LRP12: variants seen among roughly 807,000 people sequenced by gnomAD.
LRP12 encodes low-density lipoprotein receptor-related protein 12.
In LRP12, 14 loss-of-function variants were observed where a neutral mutation model predicts 66.0. The ratio of observed to expected loss-of-function variants is 0.21; its 90% confidence interval spans 0.14 to 0.33. The LOEUF (loss-of-function observed/expected upper bound fraction) is 0.33. LRP12 is among the 10% of genes least tolerant of loss of function. The pLI is 1.00. For missense variants in LRP12, 889 were observed against 1,053.4 expected (o/e 0.84, Z 2.16); for synonymous variants, 357 against 359.1 (o/e 0.99, Z 0.07).
intron 5 of LRP12, chr8:104,495,586 T>C (rs1810710573): frequency 6.4e-6 from 1 of 157,252 alleles, no homozygotes; most frequent in African/African-American, 2.4e-5. Flanking sequence ...TGTGCTCTTT[T>C]GTTGCAATGT....
At chr8:104,584,028 T>C (rs1444730629) in intron 1 of LRP12, among the ~76,000 whole-genome samples, 1 of 152,020 alleles carries the variant, frequency 6.6e-6, no homozygotes, top group Non-Finnish European at 1.5e-5. Flanking sequence ...TCTGATAACA[T>C]GTATTTGAAT....
chr8:104,535,920 C>T (rs1404831556), intron 1 of LRP12, among the ~76,000 whole-genome samples: 1 of 151,988 alleles, frequency 6.6e-6, no homozygotes, highest in African/African-American at 2.4e-5. Context: ...CCACAGCATT[C>T]CAATTTGAAA....
intron 1 of LRP12, among the ~76,000 whole-genome samples, chr8:104,564,156 G>A (rs191472874): frequency 2.0e-5 from 3 of 151,962 alleles, no homozygotes; most frequent in African/African-American, 7.3e-5. Flanking sequence ...TGCTGTAGAT[G>A]ATACTCCAGA....
chr8:104,588,970 A>ACGACGC lies in LRP12; in HGVS notation c.-74_-73insGCGTCG, dbSNP rs1554712978. 14 of 600,564 alleles carry ACGACGC rather than the reference A, an allele frequency of 2.3e-5. No individual in the cohort carries two copies. The highest frequency in any genetic ancestry group is 9.5e-5 in the South Asian group (4 of 41,946). The allele number at this position is 600,564 out of a possible 1,614,324, so 37.2% of individuals were successfully genotyped here. ...GAGAAGCTGGAGGTAGACGACGCCG[A>ACGACGC]CGCCGCCGCCGCCGCCGCCGCCGCC... is the stretch of plus-strand genomic sequence containing the variant. On this transcript the variant is annotated 5_prime_UTR_variant, in exon 1 of 7. Transcript: ENST00000276654.
intron 1 of LRP12, among the ~76,000 whole-genome samples, chr8:104,583,053 A>ACTACTACT (rs1812279159): frequency 6.6e-6 from 1 of 151,970 alleles, no homozygotes; most frequent in Admixed American, 6.6e-5. Context: ...CTTTATCTCC[A>ACTACTACT]CTACTACTAC....
intron 1 of LRP12, among the ~76,000 whole-genome samples, chr8:104,577,756 A>G (rs1318765068): frequency 1.4e-5 from 2 of 147,852 alleles, no homozygotes; most frequent in East Asian, 4.0e-4. Flanking sequence ...GCTTGCAGTG[A>G]GCCAAGACTG....
chr8:104,570,816 T>C (rs1812066153), intron 1 of LRP12, among the ~76,000 whole-genome samples: 1 of 151,748 alleles, frequency 6.6e-6, no homozygotes, highest in African/African-American at 2.4e-5. Flanking sequence ...TGGCACTGTC[T>C]AGAGAAAAAA....
intron 1 of LRP12, among the ~76,000 whole-genome samples, chr8:104,577,097 A>G (rs1440831524): frequency 6.6e-6 from 1 of 152,170 alleles, no homozygotes; most frequent in Non-Finnish European, 1.5e-5. Flanking sequence ...AAGTTCTTAG[A>G]GACCTTCAAA....
In LRP12 at chr8:104,491,158, T is replaced by G; in HGVS notation, c.2095A>C (p.Ser699Arg). The change falls in exon 7 of 7, where the codon AGT becomes CGT. Residue 699 changes from serine to arginine, a missense_variant. Around this residue, in one of 3 missense-constraint regions of LRP12, gnomAD observed 800 missense variants for 964.5 expected, o/e 0.83. Coordinates refer to ENST00000276654, the MANE Select transcript of LRP12 (RefSeq NM_013437.5). Reference sequence around the variant, plus strand: ...TTATCTGCATGACCACCTCGGGTACTCTGAGTTGAGGAACTTGCACATGCT... The same window carrying G: ...TTATCTGCATGACCACCTCGGGTACGCTGAGTTGAGGAACTTGCACATGCT... Reference protein sequence around the residue: ...VGACASSSTQSTRGGHADNGR... With the variant: ...VGACASSSTQRTRGGHADNGR... 1 of 1,614,174 alleles carries G rather than the reference T, an allele frequency of 6.2e-7. No individual in the cohort carries two copies. The highest frequency in any genetic ancestry group is 8.5e-7 in the Non-Finnish European group (1 of 1,180,026).
chr8:104,578,507 A>C (rs1203784382), intron 1 of LRP12, among the ~76,000 whole-genome samples: 2 of 152,186 alleles, frequency 1.3e-5, no homozygotes, highest in Non-Finnish European at 2.9e-5. Flanking sequence ...AAAAAATTGA[A>C]GAGGAAGGGC....
chr8:104,501,032 C>T (rs1810821145), intron 3 of LRP12, among the ~76,000 whole-genome samples: 2 of 152,150 alleles, frequency 1.3e-5, no homozygotes, highest in South Asian at 4.1e-4. Context: ...GATTGAAATC[C>T]TTTTCCAATT....
chr8:104,538,577 G>A (rs28564638), intron 1 of LRP12, among the ~76,000 whole-genome samples: 3,641 of 152,150 alleles, frequency 0.024, 108 homozygotes, highest in African/African-American at 0.065. Context: ...TGAATGAATG[G>A]ATTCAGCCAT....
chr8:104,550,250 A>C (rs983806177), intron 1 of LRP12, among the ~76,000 whole-genome samples: 8 of 152,172 alleles, frequency 5.3e-5, no homozygotes, highest in Non-Finnish European at 1.2e-4. Flanking sequence ...CAAAAGTGGC[A>C]AGTGGTGCTA....
intron 1 of LRP12, 57 bp downstream of exon 1, chr8:104,588,762 G>C (rs546669749): frequency 6.5e-7 from 1 of 1,536,828 alleles, no homozygotes; most frequent in South Asian, 1.2e-5. Context: ...GAGGCCTCGG[G>C]GCCCGGGTCG....
In LRP12 at chr8:104,497,036, G is replaced by C. The variant is rs1810740305; in HGVS notation, c.1516C>G (p.Leu506Val). 3.1e-6 allele frequency: 5 copies of C among 1,592,902 alleles called. No homozygotes were observed. Among genetic ancestry groups the C allele is most frequent in the Non-Finnish European group, 4.3e-6 (5 of 1,170,592 alleles). Residue 506 changes from leucine (L) to valine (V), a missense_variant, in exon 5 of 7, where the codon CTG (leucine) becomes GTG (valine). Leu to Val is a conservative substitution (Grantham distance 32). This residue lies in a region of LRP12 where 800 missense variants were observed against 964.5 expected (regional missense o/e 0.83). Coordinates refer to ENST00000276654, the MANE Select transcript of LRP12 (RefSeq NM_013437.5). This position sits in a 1 kb window ranked among gnomAD's most constrained non-coding sequence, Gnocchi z 4.3. The stretch of plus-strand genomic sequence containing the variant: ...CATCCCAATGCTATGACGAGTAACA[G>C]GCCACAGATGAGGCTCCCTATGACG... ...AAVIGSLICG[L>V]LLVIALGCTC...
rs765716166 is a variant in LRP12 at position 104,490,656 on chromosome 8, C to T, written c.*17G>A. ...ATTGCTCCAACTTGTATACAATCTC[C>T]CTTATGTGATTCGTACCTAACAAAG... On this transcript the variant is annotated 3_prime_UTR_variant, in exon 7 of 7. Transcript: ENST00000276654. 39 of 1,590,640 alleles carry T rather than the reference C, an allele frequency of 2.5e-5. No individual in the cohort carries two copies. The highest frequency in any genetic ancestry group is 3.2e-5 in the Non-Finnish European group (37 of 1,170,260).
intron 2 of LRP12, among the ~76,000 whole-genome samples, chr8:104,525,291 T>C (rs140921368): frequency 2.0e-5 from 3 of 152,244 alleles, no homozygotes; most frequent in African/African-American, 7.2e-5. Flanking sequence ...TTATCCAATA[T>C]TATTTCCCAT....
intron 2 of LRP12, among the ~76,000 whole-genome samples, chr8:104,510,280 G>A (rs950689796): frequency 2.0e-5 from 3 of 152,172 alleles, no homozygotes; most frequent in Non-Finnish European, 2.9e-5. Flanking sequence ...TCACTGCAAA[G>A]CAGTTCTTCA....
At chr8:104,495,255 GA>G in intron 5 of LRP12, 46 bp from the exon 6 acceptor site, 2 of 1,570,870 alleles carry the variant, frequency 1.3e-6, no homozygotes, top group African/African-American at 2.7e-5. Context: ...GGGGAGCGAA[GA>G]AAAAGAACAA....
Sources: gnomAD v4.1 joint callset for allele counts (sites outside exome capture counted in the v4.1 genomes callset) on GRCh38, gnomAD v4.1.1 for gene constraint, gnomAD v4.1.1 regional missense constraint, Gnocchi (gnomAD v3.1) non-coding constraint, MANE v1.5 for transcripts, NCBI Gene and HGNC (gene_info 2026-07-23, HGNC 2026-07-21) for gene names.